The following JAM3 variants were observed in gnomAD, a reference collection of about 807,000 sequenced individuals.
JAM3 encodes the protein junctional adhesion molecule 3.
Under a neutral mutation model 39.4 loss-of-function variants are expected in JAM3, and 31 were observed. That is an observed-to-expected ratio of 0.79 (90% CI 0.59 to 1.06). The LOEUF (loss-of-function observed/expected upper bound fraction) is 1.06, where lower values mean the gene tolerates loss of function less well. JAM3 is among the 50% of genes least tolerant of loss of function. The pLI is 0.00. For synonymous variants in JAM3, 182 were observed against 148.7 expected, an observed-to-expected ratio of 1.22 and a Z score of -1.63; for missense variants, 455 against 391.4, an observed-to-expected ratio of 1.16 and a Z score of -1.37.
At position 134,139,969 on chromosome 11, in the gene JAM3, A is replaced by G. The variant is rs1229953620; in HGVS notation, c.142+53A>G. 4 of 1,372,130 alleles carry G rather than the reference A, an allele frequency of 2.9e-6. 1 individual carries two copies. Among genetic ancestry groups the G allele is most frequent in the Non-Finnish European group, 4.2e-6 (4 of 961,872 alleles). 85.0% of individuals were successfully genotyped at this position (1,372,130 alleles called of 1,614,324 possible). On this transcript the variant is annotated intron_variant, in intron 2 of 8. Transcript: ENST00000299106. ...ATGGGCACCATCTACTGGACATTTG[A>G]TGTCTTGCAGCCAACTCAGGACACA...
chr11:134,091,450 G>C (rs1487975674), intron 1 of JAM3, among the ~76,000 whole-genome samples: 1 of 152,070 alleles, frequency 6.6e-6, no homozygotes. Context: ...AGTGAGCCGA[G>C]ATCGTCCCAC....
At chr11:134,109,585 A>G (rs1011878788) in intron 1 of JAM3, among the ~76,000 whole-genome samples, 5 of 152,338 alleles carry the variant, frequency 3.3e-5, no homozygotes, top group East Asian at 1.9e-4. Flanking sequence ...TTATTTTGCC[A>G]AGGTTAAGGA....
chr11:134,108,575 T>C (rs1200670103), intron 1 of JAM3, among the ~76,000 whole-genome samples: 1 of 152,186 alleles, frequency 6.6e-6, no homozygotes, highest in Non-Finnish European at 1.5e-5. Context: ...TCTGGCTGTT[T>C]GTGTGTATAG....
chr11:134,135,305 G>T (rs1463273968), intron 1 of JAM3, among the ~76,000 whole-genome samples: 5 of 152,148 alleles, frequency 3.3e-5, no homozygotes, highest in Non-Finnish European at 7.3e-5. Flanking sequence ...TGGCATCCTT[G>T]TGGAAAATCA....
intron 1 of JAM3, among the ~76,000 whole-genome samples, chr11:134,136,750 AT>A (rs113148569): frequency 0.029 from 4,369 of 152,242 alleles, 214 homozygotes; most frequent in African/African-American, 0.099. Context: ...GAAAAATAAA[AT>A]ACAAAGCTGC....
chr11:134,139,167 C>G (rs1942927564), intron 1 of JAM3, among the ~76,000 whole-genome samples: 1 of 152,126 alleles, frequency 6.6e-6, no homozygotes, highest in Admixed American at 6.6e-5. Context: ...GATGTTTGCC[C>G]AAACCCATAA....
At chr11:134,136,547 T>G (rs1942868277) in intron 1 of JAM3, among the ~76,000 whole-genome samples, 1 of 152,160 alleles carries the variant, frequency 6.6e-6, no homozygotes, top group Admixed American at 6.5e-5. Flanking sequence ...TATTTGGAAA[T>G]AGAAGAATTG....
chr11:134,082,938 A>T (rs1466488208), intron 1 of JAM3, among the ~76,000 whole-genome samples: 1 of 152,170 alleles, frequency 6.6e-6, no homozygotes, highest in African/African-American at 2.4e-5. Flanking sequence ...TGGTATGCAA[A>T]AGCATTATGT....
intron 1 of JAM3, among the ~76,000 whole-genome samples, chr11:134,128,300 A>G (rs1347211509): frequency 1.3e-5 from 2 of 152,212 alleles, no homozygotes; most frequent in Non-Finnish European, 2.9e-5. Flanking sequence ...CAGAGTCTGT[A>G]TCATCAGAAC....
At chr11:134,137,125 A>AG (rs1255062377) in intron 1 of JAM3, among the ~76,000 whole-genome samples, 224 of 150,082 alleles carry the variant, frequency 1.5e-3, no homozygotes, top group African/African-American at 5.5e-3. Context: ...AAAAAAAAAA[A>AG]AAGAAGAAGA....
Position 134,151,795 on chromosome 11 carries a change from G to T in JAM3, c.*2614G>T, listed in dbSNP as rs142170616. The T allele has an allele frequency of 6.6e-6, 1 of 152,148 alleles. No homozygotes were observed. The highest frequency in any genetic ancestry group is 1.5e-5 in the Non-Finnish European group (1 of 68,038). 9.4% of individuals were successfully genotyped at this position (152,148 alleles called of 1,614,324 possible). On this transcript the variant is annotated 3_prime_UTR_variant, in exon 9 of 9. Transcript: ENST00000299106. The stretch of plus-strand genomic sequence containing the variant: ...TGTTATTTGCTCTTACGTTGGGTTT[G>T]TCTCTTCTTCCTAGCATTTCAGTGG...
chr11:134,135,269 G>T (rs1341893573), intron 1 of JAM3, among the ~76,000 whole-genome samples: 2 of 152,190 alleles, frequency 1.3e-5, no homozygotes, highest in Admixed American at 1.3e-4. Context: ...TGTTGGAAAG[G>T]TTGTCCTTTC....
chr11:134,124,386 CAA>C (rs535216718), intron 1 of JAM3: 2 of 629,648 alleles, frequency 3.2e-6, no homozygotes, highest in Non-Finnish European at 5.8e-6. Flanking sequence ...TGAAAGAAAT[CAA>C]TAAATCAAAA....
chr11:134,099,885 G>A (rs888180881), intron 1 of JAM3, among the ~76,000 whole-genome samples: 10 of 152,186 alleles, frequency 6.6e-5, no homozygotes, highest in East Asian at 5.8e-4. Flanking sequence ...GATTACAGGC[G>A]TGAGCCACCG....
chr11:134,097,263 A>G (rs1942000822), intron 1 of JAM3, among the ~76,000 whole-genome samples: 1 of 152,118 alleles, frequency 6.6e-6, no homozygotes, highest in Non-Finnish European at 1.5e-5. Context: ...CTAAGAGGGA[A>G]TTTCTTAAGT....
intron 1 of JAM3, among the ~76,000 whole-genome samples, chr11:134,105,262 A>C (rs991905296): frequency 6.6e-6 from 1 of 152,234 alleles, no homozygotes; most frequent in African/African-American, 2.4e-5. Context: ...CCACATGATT[A>C]TCTCAATAGA....
chr11:134,113,437 G>A (rs149772777), intron 1 of JAM3, among the ~76,000 whole-genome samples: 3,816 of 152,174 alleles, frequency 0.025, 167 homozygotes, highest in African/African-American at 0.087. Flanking sequence ...GTGAGAACAC[G>A]CGGTGTTTGG....
At chr11:134,077,475 T>C (rs1296146252) in intron 1 of JAM3, among the ~76,000 whole-genome samples, 2 of 151,398 alleles carry the variant, frequency 1.3e-5, no homozygotes, top group Non-Finnish European at 2.9e-5. Context: ...GTGATTCTCC[T>C]GCTTCAGCCT....
At chr11:134,104,653 T>TA (rs1166493769) in intron 1 of JAM3, among the ~76,000 whole-genome samples, 12 of 151,964 alleles carry the variant, frequency 7.9e-5, no homozygotes, top group African/African-American at 2.9e-4. Context: ...ATAGATGCAA[T>TA]AAAAAATGAT....
Sources: allele counts gnomAD v4.1 joint callset (sites outside exome capture counted in the v4.1 genomes callset), GRCh38; gene constraint gnomAD v4.1.1; transcripts MANE v1.5; gene names NCBI Gene and HGNC (gene_info 2026-07-23, HGNC 2026-07-21).